The following PSG3 variants were observed in gnomAD, a reference collection of about 807,000 sequenced individuals.
PSG3 encodes the protein pregnancy specific beta-1-glycoprotein 3.
PSG3 carries 61 observed loss-of-function variants against 47.5 expected under a neutral mutation model. The observed-to-expected ratio is 1.28, with a 90% CI of 1.05 to 1.59. The LOEUF (loss-of-function observed/expected upper bound fraction) is 1.59. PSG3 is among the 40% of genes most tolerant of loss of function. PSG3 has a pLI of 0.00. For synonymous variants in PSG3, 263 were observed against 198.4 expected, an observed-to-expected ratio of 1.33 and a Z score of -2.74; for missense variants, 756 against 524.0, an observed-to-expected ratio of 1.44 and a Z score of -4.32.
rs146352413 is a variant in PSG3 at position 42,732,802 on chromosome 19, C to A, written c.691G>T (p.Val231Phe). The A allele has an allele frequency of 1.2e-4, 188 of 1,613,930 alleles. 1 individual carries two copies. The highest frequency in any genetic ancestry group is 3.1e-4 in the South Asian group (28 of 91,074). Residue 231 changes from valine (V) to phenylalanine (F), a missense_variant, in exon 3 of 7, where the codon GTC becomes TTC. Physicochemically the swap from Val to Phe is conservative, Grantham distance 50 (BLOSUM62 -1). Transcript: ENST00000327495. ...TACTCACGGAGGAGATTCAGGGTGA[C>A]TGGGTCACTGCGGCTGGCACTCACT... ...NPVSASRSDP[V>F]TLNLLPKLPK...
At chr19:42,731,652 T>G (rs1969475121) in intron 3 of PSG3, among the ~76,000 whole-genome samples, 1 of 151,720 alleles carries the variant, frequency 6.6e-6, no homozygotes, top group African/African-American at 2.4e-5. Flanking sequence ...GTTTTCTAAT[T>G]CTGCAAAAAA....
chr19:42,737,259 G>A (rs1969579997), intron 2 of PSG3, among the ~76,000 whole-genome samples: 1 of 152,108 alleles, frequency 6.6e-6, no homozygotes, highest in African/African-American at 2.4e-5. Flanking sequence ...GAAGGACAAG[G>A]GACAGGTGTG....
intron 2 of PSG3, among the ~76,000 whole-genome samples, chr19:42,735,498 C>G (rs1969548400): frequency 6.6e-6 from 1 of 152,112 alleles, no homozygotes; most frequent in Admixed American, 6.5e-5. Flanking sequence ...TCCCAAATAG[C>G]TGGGACTACA....
intron 3 of PSG3, among the ~76,000 whole-genome samples, chr19:42,731,092 C>T (rs1375689272): frequency 2.6e-5 from 4 of 152,126 alleles, no homozygotes; most frequent in Non-Finnish European, 1.5e-5. Context: ...CTGCTGGTTG[C>T]CAGGAGCTGG....
intron 5 of PSG3, among the ~76,000 whole-genome samples, chr19:42,725,109 T>A (rs180999405): frequency 7.2e-5 from 11 of 152,328 alleles, no homozygotes; most frequent in African/African-American, 2.4e-4. Flanking sequence ...CTATTTGACC[T>A]CTAGGCTAAT....
At position 42,723,989 on chromosome 19, in the gene PSG3, G is replaced by A. The variant is rs758956643; in HGVS notation, c.1280C>T (p.Pro427Leu). 7 of 1,611,002 alleles carry A rather than the reference G, an allele frequency of 4.3e-6. No individual in the cohort carries two copies. The South Asian group carries it at 7.7e-5, about 18-fold the overall frequency. The change falls in exon 6 of 7, where the codon CCA (proline) becomes CTA (leucine). Residue 427 changes from proline to leucine, a missense_variant. Pro to Leu is a moderately conservative substitution (Grantham distance 98, BLOSUM62 -3). Transcript: ENST00000327495. ...GAAATGACATCACGGCTGCTATAAT[G>A]GATTAAGGCCAGGAAGATGTCCTGT... ...SGTGHLPGLN[P>L]L
chr19:42,737,890 T>C (rs559915068), intron 2 of PSG3, among the ~76,000 whole-genome samples: 9 of 152,324 alleles, frequency 5.9e-5, no homozygotes, highest in African/African-American at 2.2e-4. Context: ...TGTTAAATGA[T>C]TCACAGTCAC....
In PSG3 at chr19:42,732,935, G is replaced by T; in HGVS notation, c.558C>A (p.Ser186Arg). 1.2e-6 allele frequency: 2 copies of T among 1,614,094 alleles called. No homozygotes were observed. Among genetic ancestry groups the T allele is most frequent in the Non-Finnish European group, 1.7e-6 (2 of 1,180,022 alleles). The change falls in exon 3 of 7, where the codon AGC becomes AGA. Residue 186 changes from serine to arginine, a missense_variant. Ser to Arg is a moderately radical substitution (Grantham distance 110). Coordinates refer to ENST00000327495, the MANE Select transcript of PSG3 (RefSeq NM_021016.4). ...ACTGCAAGCTGTGAGTCATAGGGAG[G>T]CTCTGACCATTCATCCACCACAGGT... ...ASYLWWMNGQ[S>R]LPMTHSLQLS...
Position 42,732,788 on chromosome 19 carries a change from G to A in PSG3, c.705C>T (p.Leu235=). ...AGAGGAACAGGAGATACTCACGGAG[G>A]AGATTCAGGGTGACTGGGTCACTGC... ...ASRSDPVTLN[L]LPKLPKPYIT... The change falls in exon 3 of 7, where the codon CTC becomes CTT. Residue 235 remains leucine (L), a synonymous_variant. Transcript: ENST00000327495. The A allele has an allele frequency of 6.2e-7, 1 of 1,614,128 alleles. No homozygotes were observed. The highest frequency in any genetic ancestry group is 8.5e-7 in the Non-Finnish European group (1 of 1,179,954).
intron 3 of PSG3, among the ~76,000 whole-genome samples, chr19:42,731,617 C>T (rs1969474682): frequency 6.6e-6 from 1 of 151,696 alleles, no homozygotes; most frequent in South Asian, 2.1e-4. Context: ...TTAATAAGAG[C>T]CTGTCAGGTG....
intron 5 of PSG3, among the ~76,000 whole-genome samples, chr19:42,726,672 A>T (rs1483124887): frequency 6.6e-6 from 1 of 152,222 alleles, no homozygotes; most frequent in Non-Finnish European, 1.5e-5. Context: ...TTTTGTTTTC[A>T]TGAATTGGAA....
At position 42,728,796 on chromosome 19, in the gene PSG3, G is replaced by T. The variant is rs4368263; in HGVS notation, c.1243+327C>A. ...AAACAAAGACGTGGCAGAAGGGGAT[G>T]TGTTGGTGACAGCAAGAAGCAACTT... On this transcript the variant is annotated intron_variant, in intron 5 of 6. Coordinates refer to ENST00000327495, the MANE Select transcript of PSG3 (RefSeq NM_021016.4). Among the ~76,000 whole-genome samples, 1,425 of 152,310 alleles carry T rather than the reference G, an allele frequency of 9.4e-3. 28 individuals carry two copies. Among genetic ancestry groups the T allele is most frequent in the African/African-American group, 0.033 (1,351 of 41,550 alleles).
intron 2 of PSG3, among the ~76,000 whole-genome samples, chr19:42,736,997 T>G: frequency 6.6e-6 from 1 of 151,954 alleles, no homozygotes; most frequent in Admixed American, 6.5e-5. Context: ...GGACAGGGCT[T>G]GCCAGTCAGA....
In PSG3 at chr19:42,729,861, C is replaced by A; in HGVS notation, c.905G>T (p.Arg302Ile). 6.2e-7 allele frequency: 1 copy of A among 1,613,026 alleles called. No individual in the cohort carries two copies. The highest frequency in any genetic ancestry group is 1.1e-5 in the South Asian group (1 of 91,034). Residue 302 changes from arginine (R) to isoleucine (I), a missense_variant, in exon 4 of 7, where the codon AGA becomes ATA. Physicochemically the swap from Arg to Ile is moderately conservative, Grantham distance 97 (BLOSUM62 -3). Transcript: ENST00000327495. ...NRILILPSVT[R>I]NETGPYQCEI... is the part of the protein sequence containing the mutation. ...ACATTGATAGGGTCCTGTTTCATTT[C>A]TCGTGACACTGGGTAGAATGAGGAT... is the stretch of plus-strand genomic sequence containing the variant.
At chr19:42,739,884 C>T (rs148115384) in intron 1 of PSG3, among the ~76,000 whole-genome samples, 4,466 of 152,224 alleles carry the variant, frequency 0.029, 99 homozygotes, top group Non-Finnish European at 0.047. Flanking sequence ...TGACCCCTGT[C>T]CCTCTTGGGT....
chr19:42,738,944 C>T lies in PSG3; in HGVS notation c.210G>A (p.Gly70=). Residue 70 remains glycine (G), a synonymous_variant, in exon 2 of 7, where the codon GGG becomes GGA. Coordinates refer to ENST00000327495, the MANE Select transcript of PSG3 (RefSeq NM_021016.4). The stretch of plus-strand genomic sequence containing the variant: ...TGTAATGGTAGAGGTCCTTCATTTG[C>T]CCTTTGTACCAGATGTAGCCAGCAA... ...QNLAGYIWYK[G]QMKDLYHYIT... The T allele has an allele frequency of 3.1e-5, 50 of 1,613,958 alleles. No individual in the cohort carries two copies. The highest frequency in any genetic ancestry group is 4.1e-5 in the Non-Finnish European group (48 of 1,179,958).
chr19:42,736,643 TG>T, intron 2 of PSG3, among the ~76,000 whole-genome samples: 1 of 151,716 alleles, frequency 6.6e-6, no homozygotes, highest in African/African-American at 2.4e-5. Context: ...TGTGTGTGTG[TG>T]TGTGTGTGTG....
chr19:42,727,330 G>A (rs895977809), intron 5 of PSG3, among the ~76,000 whole-genome samples: 19 of 152,068 alleles, frequency 1.2e-4, no homozygotes, highest in African/African-American at 1.9e-4. Flanking sequence ...AGCAACCCAC[G>A]AAATGATAAA....
chr19:42,734,796 A>G (rs1969534761), intron 2 of PSG3, among the ~76,000 whole-genome samples: 1 of 152,220 alleles, frequency 6.6e-6, no homozygotes, highest in African/African-American at 2.4e-5. Flanking sequence ...AAAAGAAGTG[A>G]TGTGTGTTAT....
Sources: allele counts gnomAD v4.1 joint callset (sites outside exome capture counted in the v4.1 genomes callset), GRCh38; gene constraint gnomAD v4.1.1; transcripts MANE v1.5; gene names NCBI Gene and HGNC (gene_info 2026-07-23, HGNC 2026-07-21).